Variants in ACMSD observed in about 807,000 individuals in gnomAD.
The protein encoded by ACMSD is aminocarboxymuconate semialdehyde decarboxylase.
A neutral mutation model predicts 45.9 loss-of-function variants in ACMSD; 37 were observed. That is an observed-to-expected ratio of 0.81 (90% CI 0.62 to 1.06). The LOEUF (loss-of-function observed/expected upper bound fraction) is 1.06. ACMSD is among the 50% of genes least tolerant of loss of function. The pLI, the probability that ACMSD is intolerant of heterozygous loss-of-function variation, is 0.00. For synonymous variants in ACMSD, 138 were observed against 148.8 expected, an observed-to-expected ratio of 0.93 and a Z score of 0.53; for missense variants, 434 against 420.9, an observed-to-expected ratio of 1.03 and a Z score of -0.27.
intron 8 of ACMSD, among the ~76,000 whole-genome samples, chr2:134,891,914 C>A (rs1159534160): frequency 6.6e-6 from 1 of 152,104 alleles, no homozygotes; most frequent in Non-Finnish European, 1.5e-5. Flanking sequence ...AGTATGAAAT[C>A]ATGTCTTTTG....
At chr2:134,894,910 A>C (rs1314313798) in intron 8 of ACMSD, among the ~76,000 whole-genome samples, 1 of 152,224 alleles carries the variant, frequency 6.6e-6, no homozygotes, top group African/African-American at 2.4e-5. Context: ...ATAAATAAAA[A>C]ATTAATTGTA....
chr2:134,883,132 G>C (rs1283005019), intron 8 of ACMSD, among the ~76,000 whole-genome samples: 1 of 152,166 alleles, frequency 6.6e-6, no homozygotes, highest in Admixed American at 6.5e-5. Context: ...ATTATTCCTT[G>C]GGGTTTAATA....
intron 7 of ACMSD, 32 bp downstream of exon 7, chr2:134,871,092 C>G: frequency 6.3e-7 from 1 of 1,575,084 alleles, no homozygotes; most frequent in Non-Finnish European, 8.7e-7. Flanking sequence ...TCAGCTCAGG[C>G]TGTCACAACA....
intron 5 of ACMSD, 106 bp downstream of exon 5, chr2:134,863,737 G>A (rs940230375): frequency 8.6e-7 from 1 of 1,159,598 alleles, no homozygotes; most frequent in African/African-American, 1.5e-5. Flanking sequence ...ACTGGGAGGG[G>A]AGAGCGGTGT....
chr2:134,863,010 T>C (rs1225655440), intron 4 of ACMSD: 2 of 985,258 alleles, frequency 2.0e-6, no homozygotes, highest in African/African-American at 1.7e-5. Flanking sequence ...AGGAGGTGCC[T>C]TGATGGTGGC....
chr2:134,845,121 T>C (rs1686989561), intron 1 of ACMSD, 112 bp from the exon 2 acceptor site: 3 of 1,043,494 alleles, frequency 2.9e-6, no homozygotes, highest in Non-Finnish European at 4.5e-6. Flanking sequence ...ATGGGGGAAA[T>C]GGGAAGGCAA....
At chr2:134,889,754 T>C (rs1463457513) in intron 8 of ACMSD, among the ~76,000 whole-genome samples, 1 of 151,982 alleles carries the variant, frequency 6.6e-6, no homozygotes, top group Admixed American at 6.6e-5. Context: ...ACTCAAAGAA[T>C]GGTGGGGAAA....
At chr2:134,888,343 T>C (rs76455831) in intron 8 of ACMSD, among the ~76,000 whole-genome samples, 2,910 of 152,178 alleles carry the variant, frequency 0.019, 107 homozygotes, top group East Asian at 0.14. Context: ...ATCCACTGAA[T>C]AGCCAAAAAC....
chr2:134,838,725 C>T lies in ACMSD; in HGVS notation c.43C>T (p.Pro15Ser). 2 of 1,610,386 alleles carry T rather than the reference C, an allele frequency of 1.2e-6. No individual in the cohort carries two copies. Among genetic ancestry groups the T allele is most frequent in the Non-Finnish European group, 1.7e-6 (2 of 1,177,286 alleles). Residue 15 changes from proline (P) to serine (S), a missense_variant, in exon 1 of 10, where the codon CCA becomes TCA. Physicochemically the swap from Pro to Ser is moderately conservative, Grantham distance 74 (BLOSUM62 -1). Coordinates refer to ENST00000356140, the MANE Select transcript of ACMSD (RefSeq NM_138326.3). ...TAGTCATATTCTACCAAAAGAATGG[C>T]CAGATCTAAAAAAGGTAATGGTAAT... ...IHSHILPKEW[P>S]DLKKRFGYGG...
intron 1 of ACMSD, among the ~76,000 whole-genome samples, chr2:134,843,773 G>C (rs895171747): frequency 6.6e-6 from 1 of 152,206 alleles, no homozygotes; most frequent in African/African-American, 2.4e-5. Context: ...ACACCACACT[G>C]TGAGAGCCAT....
intron 8 of ACMSD, among the ~76,000 whole-genome samples, chr2:134,886,294 G>A (rs1326811421): frequency 7.1e-6 from 1 of 141,232 alleles, no homozygotes. Context: ...TGCCGCCCAG[G>A]CTGACGTGCA....
Position 134,875,008 on chromosome 2 carries a change from G to C in ACMSD, c.849+2367G>C, listed in dbSNP as rs569498716. 3.0e-3 allele frequency among the ~76,000 whole-genome samples: 460 copies of C among 152,238 alleles called. 1 individual carries two copies. Among genetic ancestry groups the C allele is most frequent in the African/African-American group, 9.8e-3 (406 of 41,542 alleles). On this transcript the variant is annotated intron_variant, in intron 8 of 9. Transcript: ENST00000356140. ...AAAGTGGCTGCCTTAGGGGATAACA[G>C]TTGGGAAAGTGAGTCAGGGTTTCAC...
intron 3 of ACMSD, 80 bp downstream of exon 3, chr2:134,859,437 T>G: frequency 3.7e-6 from 5 of 1,355,588 alleles, no homozygotes; most frequent in South Asian, 1.2e-5. Flanking sequence ...CAACTTTATG[T>G]GATGGTAACT....
chr2:134,856,744 T>C (rs1348278925), intron 2 of ACMSD, among the ~76,000 whole-genome samples: 2 of 152,322 alleles, frequency 1.3e-5, no homozygotes, highest in East Asian at 1.9e-4. Context: ...TTATCAGATA[T>C]ATGGTTCACA....
chr2:134,862,958 A>G (rs1004600050), intron 4 of ACMSD: 1 of 985,446 alleles, frequency 1.0e-6, no homozygotes, highest in Non-Finnish European at 1.2e-6. Context: ...GGGGCAGGAC[A>G]AGTCAGTGAG....
chr2:134,876,674 G>T (rs556125477), intron 8 of ACMSD, among the ~76,000 whole-genome samples: 1 of 152,100 alleles, frequency 6.6e-6, no homozygotes, highest in South Asian at 2.1e-4. Context: ...TAAGTAGAAG[G>T]AACACACTCC....
chr2:134,854,752 CAT>C (rs1687499191), intron 2 of ACMSD, among the ~76,000 whole-genome samples: 1 of 152,214 alleles, frequency 6.6e-6, no homozygotes. Flanking sequence ...TTACTTCACA[CAT>C]AGGATGTGTT....
At chr2:134,883,837 T>C (rs959644222) in intron 8 of ACMSD, among the ~76,000 whole-genome samples, 2 of 152,174 alleles carry the variant, frequency 1.3e-5, no homozygotes, top group Non-Finnish European at 2.9e-5. Flanking sequence ...TAGGCATCAA[T>C]CAACAGGAGA....
chr2:134,885,294 T>TATATATGTAAATATATATATA (rs1559064708), intron 8 of ACMSD, among the ~76,000 whole-genome samples: 1 of 91,054 alleles, frequency 1.1e-5, no homozygotes, highest in Non-Finnish European at 1.9e-5. Context: ...ATTATATTTA[T>TATATATGTAAATATATATATA]ATATATATTT....
Sources: allele counts gnomAD v4.1 joint callset (sites outside exome capture counted in the v4.1 genomes callset), GRCh38; gene constraint gnomAD v4.1.1; transcripts MANE v1.5; gene names NCBI Gene and HGNC (gene_info 2026-07-23, HGNC 2026-07-21).